The following SCHIP1 variants were observed in gnomAD, a reference collection of about 807,000 sequenced individuals.
SCHIP1 encodes schwannomin-interacting protein 1.
SCHIP1 carries 8 observed loss-of-function variants against 29.7 expected under a neutral mutation model. The observed-to-expected ratio is 0.27, with a 90% CI of 0.16 to 0.49. The LOEUF is 0.49. Ranked by LOEUF, SCHIP1 falls within the 20% of genes least tolerant of loss-of-function variation. SCHIP1 has a pLI of 0.99. For synonymous variants in SCHIP1, 76 were observed against 94.9 expected (o/e 0.80, Z 1.16); for missense variants, 193 against 294.6 (o/e 0.66, Z 2.52).
chr3:159,385,574 ACAAAAAAAAAAAAACC>A, the SCHIP1 span, among the ~76,000 whole-genome samples: 4 of 52,080 alleles, frequency 7.7e-5, no homozygotes, highest in African/African-American at 2.1e-4. Context: ...AAACAAACAA[ACAAAAAAAAAAAAACC>A]AAAAAAAAAA....
At chr3:159,843,663 A>AAT (rs1744492813) in intron 1 of SCHIP1, among the ~76,000 whole-genome samples, 1 of 151,928 alleles carries the variant, frequency 6.6e-6, no homozygotes, top group Non-Finnish European at 1.5e-5. Context: ...TACTAAAAAA[A>AAT]ATACAAAAAA....
At chr3:159,586,494 T>C in the SCHIP1 span, among the ~76,000 whole-genome samples, 1 of 152,188 alleles carries the variant, frequency 6.6e-6, no homozygotes, top group South Asian at 2.1e-4. Flanking sequence ...TTTAACCCTA[T>C]TCTTTCCTCC....
the SCHIP1 span, among the ~76,000 whole-genome samples, chr3:159,483,539 CA>C: frequency 1.3e-4 from 20 of 151,354 alleles, no homozygotes; most frequent in Non-Finnish European, 2.2e-4. Flanking sequence ...ACATCAGTGA[CA>C]AAAAAAATAC....
chr3:159,354,738 AT>A, the SCHIP1 span, among the ~76,000 whole-genome samples: 2 of 152,152 alleles, frequency 1.3e-5, no homozygotes, highest in Non-Finnish European at 2.9e-5. Context: ...GAGGGTTAGC[AT>A]TTTTTTAAAC....
chr3:159,390,916 C>T, the SCHIP1 span, among the ~76,000 whole-genome samples: 3 of 152,168 alleles, frequency 2.0e-5, no homozygotes, highest in African/African-American at 4.8e-5. Flanking sequence ...ATCTGTACAG[C>T]TCAGTGAAGT....
chr3:159,620,620 C>T, the SCHIP1 span, among the ~76,000 whole-genome samples: 6 of 152,186 alleles, frequency 3.9e-5, no homozygotes, highest in Admixed American at 1.3e-4. Flanking sequence ...ATACACTTTG[C>T]AGAACATTGT....
the SCHIP1 span, among the ~76,000 whole-genome samples, chr3:159,394,811 A>G: frequency 2.6e-5 from 4 of 152,166 alleles, no homozygotes; most frequent in African/African-American, 7.2e-5. Flanking sequence ...CTTTGGTATC[A>G]GAATGATGCT....
At chr3:159,800,385 G>GTT in the SCHIP1 span, among the ~76,000 whole-genome samples, 1 of 152,144 alleles carries the variant, frequency 6.6e-6, no homozygotes, top group Non-Finnish European at 1.5e-5. Flanking sequence ...CCCTTTTTGG[G>GTT]GCTGCCCCCT....
the SCHIP1 span, among the ~76,000 whole-genome samples, chr3:159,637,573 G>A: frequency 6.6e-6 from 1 of 152,180 alleles, no homozygotes; most frequent in Non-Finnish European, 1.5e-5. Flanking sequence ...GAAAACTCGG[G>A]AAATGCATGT....
chr3:159,849,931 G>T (rs898954872), intron 1 of SCHIP1, among the ~76,000 whole-genome samples: 14 of 152,166 alleles, frequency 9.2e-5, no homozygotes, highest in Non-Finnish European at 2.1e-4. Flanking sequence ...TGCGCTTATC[G>T]TGTGCAAGGC....
At chr3:159,563,906 CA>C in the SCHIP1 span, among the ~76,000 whole-genome samples, 104 of 152,282 alleles carry the variant, frequency 6.8e-4, 1 homozygote, top group Non-Finnish European at 6.3e-4. Flanking sequence ...ATATCTCTTA[CA>C]TGAGAACGTA....
the SCHIP1 span, among the ~76,000 whole-genome samples, chr3:159,680,699 T>TATATGTATATATAAATAC: frequency 8.1e-5 from 2 of 24,642 alleles, no homozygotes; most frequent in African/African-American, 3.3e-4. Flanking sequence ...ATATATATAA[T>TATATGTATATATAAATAC]ATATATTATA....
chr3:159,590,166 C>T, the SCHIP1 span, among the ~76,000 whole-genome samples: 1 of 152,052 alleles, frequency 6.6e-6, no homozygotes, highest in Non-Finnish European at 1.5e-5. Flanking sequence ...GACTGCAGGT[C>T]AGGAACAAGG....
chr3:159,403,507 G>A, the SCHIP1 span, among the ~76,000 whole-genome samples: 3 of 152,180 alleles, frequency 2.0e-5, no homozygotes, highest in African/African-American at 7.2e-5. Context: ...CAGTGATTGA[G>A]GGACTTCGCA....
the SCHIP1 span, among the ~76,000 whole-genome samples, chr3:159,798,871 C>T: frequency 1.3e-5 from 2 of 152,234 alleles, no homozygotes; most frequent in Non-Finnish European, 2.9e-5. Flanking sequence ...GAACACATTA[C>T]TAAATCTGAG....
chr3:159,510,465 A>G, the SCHIP1 span, among the ~76,000 whole-genome samples: 2 of 152,046 alleles, frequency 1.3e-5, no homozygotes, highest in South Asian at 2.1e-4. Flanking sequence ...TCTTCTCTCA[A>G]CTCGTCAAAG....
At chr3:159,559,907 A>G in the SCHIP1 span, among the ~76,000 whole-genome samples, 6 of 152,340 alleles carry the variant, frequency 3.9e-5, no homozygotes, top group East Asian at 9.6e-4. Context: ...AAAAGTTAAC[A>G]TTCTTAAATG....
chr3:159,607,393 A>G, the SCHIP1 span, among the ~76,000 whole-genome samples: 3 of 152,226 alleles, frequency 2.0e-5, no homozygotes, highest in African/African-American at 7.2e-5. Flanking sequence ...GGTAGGTAGC[A>G]TATTTATATC....
At chr3:159,524,762 T>G in the SCHIP1 span, among the ~76,000 whole-genome samples, 1 of 152,294 alleles carries the variant, frequency 6.6e-6, no homozygotes, top group South Asian at 2.1e-4. Context: ...ATGTGAGCAG[T>G]GAAGAGACGT....
Sources: allele counts gnomAD v4.1 joint callset (sites outside exome capture counted in the v4.1 genomes callset), GRCh38; gene constraint gnomAD v4.1.1; transcripts MANE v1.5; gene names NCBI Gene and HGNC (gene_info 2026-07-23, HGNC 2026-07-21).